The following CNBD1 variants were observed in gnomAD, a reference collection of about 807,000 sequenced individuals.
The protein encoded by CNBD1 is cyclic nucleotide-binding domain-containing protein 1.
CNBD1 carries 71 observed loss-of-function variants against 54.4 expected under a neutral mutation model. The observed-to-expected ratio is 1.30, with a 90% confidence interval of 1.08 to 1.59. The LOEUF is 1.59. Among genes scored for constraint, CNBD1 ranks in the 40% most tolerant of loss-of-function variants. The pLI is 0.00. For missense variants in CNBD1, 659 were observed against 518.0 expected (o/e 1.27, Z -2.64); for synonymous variants, 182 against 170.7 (o/e 1.07, Z -0.51).
At chr8:87,424,689 C>G (rs190817800) in intron 2 of CNBD1, among the ~76,000 whole-genome samples, 1 of 152,136 alleles carries the variant, frequency 6.6e-6, no homozygotes, top group African/African-American at 2.4e-5. Context: ...CCAAGAGATC[C>G]GCTGTTAGTC....
chr8:87,142,635 G>A (rs1307571154), intron 4 of CNBD1, among the ~76,000 whole-genome samples: 1 of 152,110 alleles, frequency 6.6e-6, no homozygotes, highest in Non-Finnish European at 1.5e-5. Flanking sequence ...ATATGCAAAA[G>A]TGTACATTGT....
chr8:87,240,031 C>T (rs1807661429), intron 6 of CNBD1, among the ~76,000 whole-genome samples: 1 of 151,096 alleles, frequency 6.6e-6, no homozygotes, highest in African/African-American at 2.4e-5. Flanking sequence ...TTCTTAGAGA[C>T]ATCTCAGCAT....
At chr8:87,112,836 C>T (rs1811691860) in intron 4 of CNBD1, among the ~76,000 whole-genome samples, 1 of 152,096 alleles carries the variant, frequency 6.6e-6, no homozygotes, top group South Asian at 2.1e-4. Context: ...AGTCTACTTC[C>T]TAAGGTACTC....
At chr8:87,048,396 G>T (rs1483407491) in intron 4 of CNBD1, among the ~76,000 whole-genome samples, 1 of 152,178 alleles carries the variant, frequency 6.6e-6, no homozygotes, top group Non-Finnish European at 1.5e-5. Context: ...CTGTAGTAAA[G>T]CCACGGGACG....
At chr8:86,997,656 T>G (rs1808905012) in intron 4 of CNBD1, among the ~76,000 whole-genome samples, 1 of 152,130 alleles carries the variant, frequency 6.6e-6, no homozygotes, top group Non-Finnish European at 1.5e-5. Flanking sequence ...GCAGGGCTTG[T>G]AAAAACCACA....
chr8:87,285,030 A>T (rs1808666037), intron 7 of CNBD1, among the ~76,000 whole-genome samples: 1 of 152,126 alleles, frequency 6.6e-6, no homozygotes, highest in African/African-American at 2.4e-5. Flanking sequence ...TATTTCAGGT[A>T]ATTTTTAAAT....
intron 8 of CNBD1, among the ~76,000 whole-genome samples, chr8:87,298,572 C>T (rs914804451): frequency 2.0e-5 from 3 of 150,924 alleles, no homozygotes; most frequent in Admixed American, 2.0e-4. Context: ...GCAACCTACA[C>T]CTCCCGGGTT....
intron 8 of CNBD1, among the ~76,000 whole-genome samples, chr8:87,293,423 A>T (rs1432422196): frequency 6.6e-6 from 1 of 152,104 alleles, no homozygotes. Flanking sequence ...AGGCGCTTGT[A>T]ATCCCAGCTA....
rs758082032 is a variant in CNBD1, at chr8:87,274,889, G to A, written c.772-9789G>A. 1.5e-5 allele frequency among the ~76,000 whole-genome samples: 2 copies of A among 134,356 alleles called. 1 individual carries two copies. Among genetic ancestry groups the A allele is most frequent in the Non-Finnish European group, 3.2e-5 (2 of 62,732 alleles). 88.1% of individuals were successfully genotyped at this position (134,356 alleles called of 152,430 possible). A position where few individuals can be genotyped will look rare whatever the true frequency, so the allele number is the denominator to read the frequency against. ...TAATTTTAGCCTAGGTTTTCTTCTA[G>A]GGTTTTTATGGTTTTAGGTGTAACG... is the stretch of plus-strand genomic sequence containing the variant. On this transcript the variant is annotated intron_variant, in intron 6 of 10. Transcript: ENST00000518476.
intron 4 of CNBD1, among the ~76,000 whole-genome samples, chr8:87,173,151 G>A (rs937780311): frequency 6.6e-6 from 1 of 152,074 alleles, no homozygotes; most frequent in Non-Finnish European, 1.5e-5. Flanking sequence ...TAACTATGAA[G>A]CAAAAAGAAA....
intron 4 of CNBD1, among the ~76,000 whole-genome samples, chr8:87,032,117 G>C (rs1017990221): frequency 2.0e-5 from 3 of 152,188 alleles, no homozygotes; most frequent in African/African-American, 7.2e-5. Flanking sequence ...CTCTTTGAAA[G>C]AAGGTTCTTA....
At chr8:87,079,695 G>A (rs947258148) in intron 4 of CNBD1, among the ~76,000 whole-genome samples, 2 of 151,930 alleles carry the variant, frequency 1.3e-5, no homozygotes, top group African/African-American at 4.8e-5. Context: ...TTTTTATTGA[G>A]TTAGAAGGAC....
chr8:86,915,910 T>A (rs983281814), intron 3 of CNBD1, among the ~76,000 whole-genome samples: 2 of 152,188 alleles, frequency 1.3e-5, no homozygotes, highest in Non-Finnish European at 2.9e-5. Context: ...GCTCTATTAA[T>A]CTAAGGTTCC....
At chr8:87,366,801 A>C (rs1245329724) in intron 10 of CNBD1, among the ~76,000 whole-genome samples, 2 of 152,092 alleles carry the variant, frequency 1.3e-5, no homozygotes, top group Admixed American at 1.3e-4. Context: ...AGCATGGGGT[A>C]CTGGGGAGAA....
At chr8:86,988,554 A>G (rs1282366229) in intron 4 of CNBD1, among the ~76,000 whole-genome samples, 1 of 152,038 alleles carries the variant, frequency 6.6e-6, no homozygotes, top group Non-Finnish European at 1.5e-5. Flanking sequence ...ATACTGTTTT[A>G]ATTATTTTAA....
At chr8:87,069,719 C>T (rs930926072) in intron 4 of CNBD1, among the ~76,000 whole-genome samples, 2 of 152,098 alleles carry the variant, frequency 1.3e-5, no homozygotes, top group Non-Finnish European at 2.9e-5. Flanking sequence ...GCCATTCTTG[C>T]TCCACCTTGT....
chr8:87,388,171 C>A (rs1040490719), intron 2 of CNBD1, among the ~76,000 whole-genome samples: 2 of 152,028 alleles, frequency 1.3e-5, no homozygotes, highest in African/African-American at 4.8e-5. Flanking sequence ...AAAATTGACA[C>A]CCTAACATCA....
intron 10 of CNBD1, among the ~76,000 whole-genome samples, chr8:87,381,155 C>T (rs1247792105): frequency 2.0e-5 from 3 of 151,916 alleles, no homozygotes; most frequent in African/African-American, 4.8e-5. Context: ...GGATTAATCT[C>T]CAAAATATAT....
chr8:87,380,375 G>A (rs79155289), intron 10 of CNBD1, among the ~76,000 whole-genome samples: 2,872 of 151,844 alleles, frequency 0.019, 92 homozygotes, highest in African/African-American at 0.063. Context: ...CTATTACTCT[G>A]TATGATTGTC....
Sources: allele counts gnomAD v4.1 joint callset (sites outside exome capture counted in the v4.1 genomes callset), GRCh38; gene constraint gnomAD v4.1.1; transcripts MANE v1.5; gene names NCBI Gene and HGNC (gene_info 2026-07-23, HGNC 2026-07-21).